The following CNIH3 variants were observed in gnomAD, a reference collection of about 807,000 sequenced individuals.
The protein encoded by CNIH3 is protein cornichon homolog 3.
In CNIH3, 14 loss-of-function variants were observed where a neutral mutation model predicts 24.1. The observed-to-expected ratio is 0.58, with a 90% CI of 0.38 to 0.91. The LOEUF (loss-of-function observed/expected upper bound fraction) is 0.91, where lower values mean the gene tolerates loss of function less well. Ranked by LOEUF, CNIH3 falls within the 40% of genes least tolerant of loss-of-function variation. The pLI is 0.00. For missense variants in CNIH3, 178 were observed against 196.8 expected (o/e 0.90, Z 0.57); for synonymous variants, 68 against 73.8 (o/e 0.92, Z 0.40).
intron 1 of CNIH3, among the ~76,000 whole-genome samples, chr1:224,507,296 C>T (rs2124885283): frequency 6.6e-6 from 1 of 152,318 alleles, no homozygotes; most frequent in Admixed American, 6.5e-5. Context: ...TGGAGCCAGA[C>T]AGATCGGGTT....
At chr1:224,540,605 A>G (rs1296608647), downstream of CNIH3, among the ~76,000 whole-genome samples, 2 of 152,254 alleles carry the variant, frequency 1.3e-5, no homozygotes, top group African/African-American at 4.8e-5. Flanking sequence ...TTTAAGAAGC[A>G]TTAATAAATA....
At chr1:224,613,813 C>T (rs566007220), upstream of CNIH3, among the ~76,000 whole-genome samples, 1 of 152,152 alleles carries the variant, frequency 6.6e-6, no homozygotes, top group African/African-American at 2.4e-5. Context: ...TGGTGCCGTG[C>T]TTGTACAGCC....
chr1:224,582,661 G>A (rs1279222407), intron 4 of CNIH3, among the ~76,000 whole-genome samples: 2 of 152,150 alleles, frequency 1.3e-5, no homozygotes, highest in Non-Finnish European at 2.9e-5. Context: ...TGAAATCAGC[G>A]TGGGGGACTC....
intron 1 of CNIH3, among the ~76,000 whole-genome samples, chr1:224,633,574 T>C (rs1683935932): frequency 1.3e-5 from 2 of 152,174 alleles, no homozygotes; most frequent in African/African-American, 2.4e-5. Context: ...CTTCAAACAA[T>C]AGAATAGCCA....
At chr1:224,625,354 C>G (rs1259537054) in intron 1 of CNIH3, among the ~76,000 whole-genome samples, 2 of 151,994 alleles carry the variant, frequency 1.3e-5, no homozygotes, top group Non-Finnish European at 2.9e-5. Flanking sequence ...TGGAGATCAT[C>G]CTGGCTAACA....
chr1:224,727,108 G>A (rs1212732681), intron 3 of CNIH3, among the ~76,000 whole-genome samples: 4 of 152,188 alleles, frequency 2.6e-5, no homozygotes, highest in Admixed American at 6.5e-5. Context: ...GAGCATGTCC[G>A]GTGACAGGGA....
chr1:224,523,617 G>A (rs897126716), intron 2 of CNIH3, among the ~76,000 whole-genome samples: 1 of 152,176 alleles, frequency 6.6e-6, no homozygotes, highest in African/African-American at 2.4e-5. Flanking sequence ...TCAACCTGGC[G>A]ATGGTTACAC....
At chr1:224,638,338 G>C (rs944262539) in intron 1 of CNIH3, among the ~76,000 whole-genome samples, 3 of 152,238 alleles carry the variant, frequency 2.0e-5, no homozygotes, top group Admixed American at 2.0e-4. Flanking sequence ...TTTTGGCCCA[G>C]CGCCTGCCTC....
intron 5 of CNIH3, among the ~76,000 whole-genome samples, chr1:224,585,564 G>A (rs1427995767): frequency 6.6e-6 from 1 of 151,312 alleles, no homozygotes; most frequent in Admixed American, 6.6e-5. Context: ...CTGCAGTCTT[G>A]AACTCTTGGG....
At chr1:224,530,053 G>T (rs1679003858) in intron 2 of CNIH3, among the ~76,000 whole-genome samples, 1 of 152,168 alleles carries the variant, frequency 6.6e-6, no homozygotes, top group African/African-American at 2.4e-5. Flanking sequence ...TGCTGTGGAG[G>T]CATGGAAAAC....
chr1:224,472,859 A>G (rs1676425025), intron 1 of CNIH3, among the ~76,000 whole-genome samples: 1 of 152,210 alleles, frequency 6.6e-6, no homozygotes, highest in Non-Finnish European at 1.5e-5. Context: ...ACCACCTAAG[A>G]TTCTGGACAA....
chr1:224,710,603 T>C (rs1051445989), intron 3 of CNIH3, among the ~76,000 whole-genome samples: 3 of 152,196 alleles, frequency 2.0e-5, no homozygotes, highest in African/African-American at 7.2e-5. Flanking sequence ...CTTATTGCAA[T>C]CTGCTTTTTT....
intron 3 of CNIH3, among the ~76,000 whole-genome samples, chr1:224,594,369 T>A (rs991834): frequency 0.43 from 65,254 of 152,058 alleles, 14,845 homozygotes; most frequent in East Asian, 0.59. Flanking sequence ...TCTAAGCTAT[T>A]AGAGCTTCAT....
chr1:224,558,652 C>T (rs186002106), intron 3 of CNIH3, among the ~76,000 whole-genome samples: 2 of 152,338 alleles, frequency 1.3e-5, no homozygotes, highest in Admixed American at 1.3e-4. Context: ...TAGTCAGTCC[C>T]TAGTGGGGAA....
chr1:224,658,097 C>T (rs539245916), intron 1 of CNIH3, among the ~76,000 whole-genome samples: 1 of 152,148 alleles, frequency 6.6e-6, no homozygotes, highest in Non-Finnish European at 1.5e-5. Context: ...CCTAATATGT[C>T]TCTCTTGGAA....
At chr1:224,519,645 T>C (rs1456373201) in intron 1 of CNIH3, among the ~76,000 whole-genome samples, 1 of 149,520 alleles carries the variant, frequency 6.7e-6, no homozygotes, top group Non-Finnish European at 1.5e-5. Context: ...ATACATTTTG[T>C]GTGTGTACTC....
intron 3 of CNIH3, among the ~76,000 whole-genome samples, chr1:224,552,697 G>A (rs945171196): frequency 1.9e-4 from 29 of 151,046 alleles, no homozygotes; most frequent in East Asian, 9.8e-4. Flanking sequence ...TGTGATTTTA[G>A]GAGTAATGTA....
upstream of CNIH3, chr1:224,513,803 A>C (rs1016291052): frequency 3.3e-5 from 5 of 152,182 alleles, no homozygotes; most frequent in Non-Finnish European, 7.3e-5. Flanking sequence ...AAGACTGCGC[A>C]CTCACACGAC....
chr1:224,499,988 T>G (rs1677588216), intron 1 of CNIH3, among the ~76,000 whole-genome samples: 1 of 151,972 alleles, frequency 6.6e-6, no homozygotes, highest in Non-Finnish European at 1.5e-5. Context: ...CCCAAGGATC[T>G]AATTCCTTTC....
Sources: gnomAD v4.1 joint callset for allele counts (sites outside exome capture counted in the v4.1 genomes callset) on GRCh38, gnomAD v4.1.1 for gene constraint, MANE v1.5 for transcripts, NCBI Gene and HGNC (gene_info 2026-07-23, HGNC 2026-07-21) for gene names.